The following NR2C1 variants were observed in gnomAD, a reference collection of about 807,000 sequenced individuals.
NR2C1 encodes nuclear receptor subfamily 2 group C member 1.
NR2C1 carries 33 observed loss-of-function variants against 74.8 expected under a neutral mutation model. The observed-to-expected ratio is 0.44, with a 90% CI of 0.33 to 0.59. The LOEUF is 0.59. Among genes scored for constraint, NR2C1 ranks in the 20% least tolerant of loss-of-function variants. The pLI is 0.02. For synonymous variants in NR2C1, 225 were observed against 240.6 expected, an observed-to-expected ratio of 0.94 and a Z score of 0.60; for missense variants, 568 against 715.6, an observed-to-expected ratio of 0.79 and a Z score of 2.35.
chr12:95,021,367 G>A lies in NR2C1; in HGVS notation c.*862C>T, dbSNP rs1221659472. On this transcript the variant is annotated 3_prime_UTR_variant, in exon 14 of 14. Coordinates refer to ENST00000333003, the MANE Select transcript of NR2C1 (RefSeq NM_003297.4). Reference sequence around the variant, plus strand: ...TCTATTATTTTCAAAGACAGCAGTAGGCCAGGCACGGTGGCACGCGCCTGT... The same window carrying A: ...TCTATTATTTTCAAAGACAGCAGTAAGCCAGGCACGGTGGCACGCGCCTGT... 2 of 151,746 alleles carry A rather than the reference G, an allele frequency of 1.3e-5. No homozygotes were observed. Among genetic ancestry groups the A allele is most frequent in the Non-Finnish European group, 2.9e-5 (2 of 67,900 alleles). 9.4% of individuals were successfully genotyped at this position (151,746 alleles called of 1,614,324 possible). A position where few individuals can be genotyped will look rare whatever the true frequency, so the allele number is the denominator to read the frequency against.
chr12:95,028,345 G>T, intron 12 of NR2C1, 42 bp downstream of exon 12: 1 of 1,542,946 alleles, frequency 6.5e-7, no homozygotes, highest in Non-Finnish European at 8.8e-7. Context: ...TCTCCACATC[G>T]TGAAACATTT....
At chr12:95,043,910 A>G (rs1871947759) in intron 9 of NR2C1, among the ~76,000 whole-genome samples, 1 of 152,128 alleles carries the variant, frequency 6.6e-6, no homozygotes, top group African/African-American at 2.4e-5. Context: ...TTAACTTATA[A>G]AGAGAGAAAA....
chr12:95,056,882 C>T (rs1410009140), intron 7 of NR2C1, among the ~76,000 whole-genome samples: 2 of 151,286 alleles, frequency 1.3e-5, no homozygotes, highest in African/African-American at 4.9e-5. Flanking sequence ...TGGCGGGAAC[C>T]CGGGAAGCGG....
intron 2 of NR2C1, among the ~76,000 whole-genome samples, chr12:95,063,311 A>G (rs945961355): frequency 6.6e-6 from 1 of 152,190 alleles, no homozygotes; most frequent in African/African-American, 2.4e-5. Context: ...AGAGCATATA[A>G]GTAGGTCCCA....
intron 4 of NR2C1, 31 bp downstream of exon 4, chr12:95,059,875 T>C (rs1874491322): frequency 3.3e-6 from 5 of 1,496,134 alleles, no homozygotes; most frequent in Non-Finnish European, 4.5e-6. Flanking sequence ...ATTTTTTTTT[T>C]CTGTTTTTAG....
chr12:95,051,373 C>A (rs999845215), intron 8 of NR2C1, among the ~76,000 whole-genome samples: 1 of 152,214 alleles, frequency 6.6e-6, no homozygotes, highest in East Asian at 1.9e-4. Flanking sequence ...CAAGTAAGCA[C>A]GCCCACTAAG....
chr12:95,032,908 C>A (rs949141186), intron 10 of NR2C1, among the ~76,000 whole-genome samples: 1 of 152,060 alleles, frequency 6.6e-6, no homozygotes, highest in African/African-American at 2.4e-5. Context: ...GTTGAGGCTT[C>A]GGTGAGCTGT....
chr12:95,031,810 T>TA (rs970073238), intron 10 of NR2C1, among the ~76,000 whole-genome samples: 49 of 151,896 alleles, frequency 3.2e-4, no homozygotes, highest in African/African-American at 1.1e-3. Flanking sequence ...AAGCATATAT[T>TA]AAAAAAAAAC....
chr12:95,067,275 T>C (rs1245650284), intron 2 of NR2C1, 56 bp downstream of exon 2: 1 of 1,352,832 alleles, frequency 7.4e-7, no homozygotes, highest in Non-Finnish European at 1.1e-6. Context: ...TATATGCATT[T>C]AGTAGGAATT....
intron 3 of NR2C1, 69 bp downstream of exon 3, chr12:95,062,439 G>A: frequency 2.9e-6 from 3 of 1,018,116 alleles, no homozygotes; most frequent in Non-Finnish European, 4.4e-6. Context: ...AAGTCTTCAT[G>A]GCAGGGCTTA....
intron 12 of NR2C1, among the ~76,000 whole-genome samples, chr12:95,027,515 T>G (rs1193744647): frequency 6.6e-6 from 1 of 152,158 alleles, no homozygotes; most frequent in Admixed American, 6.6e-5. Context: ...GGCGGGTAGA[T>G]CACCTTAGGT....
At chr12:95,044,600 G>T (rs1191235436) in intron 9 of NR2C1, among the ~76,000 whole-genome samples, 1 of 152,130 alleles carries the variant, frequency 6.6e-6, no homozygotes, top group Non-Finnish European at 1.5e-5. Flanking sequence ...AAAATCACTG[G>T]ATGGCCGGGT....
At chr12:95,031,632 T>C (rs1870121264) in intron 10 of NR2C1, 144 bp from the exon 11 acceptor site, 1 of 542,108 alleles carries the variant, frequency 1.8e-6, no homozygotes, top group Non-Finnish European at 2.9e-6. Context: ...GTGTTTTGTA[T>C]AGCTGATAAC....
intron 9 of NR2C1, among the ~76,000 whole-genome samples, chr12:95,044,910 G>A (rs1872117232): frequency 6.6e-6 from 1 of 151,926 alleles, no homozygotes. Flanking sequence ...AAAATCCTTG[G>A]AGGCTGAGCA....
At chr12:95,025,445 G>A in intron 12 of NR2C1, 190 bp from the exon 13 acceptor site, 1 of 396,724 alleles carries the variant, frequency 2.5e-6, no homozygotes, top group Admixed American at 4.6e-5. Context: ...AATCATCTGA[G>A]GTCAGGAGTT....
At position 95,045,091 on chromosome 12, in the gene NR2C1, C is replaced by T. The variant is rs530058414; in HGVS notation, c.1131+3977G>A. 3.2e-4 allele frequency among the ~76,000 whole-genome samples: 49 copies of T among 152,280 alleles called. 3 individuals are homozygous for T. The South Asian group carries it at 9.5e-3, about 30-fold the overall frequency. Reference sequence around the variant, plus strand: ...TAGGAGATCTGGATTCTGCTTCCAACTTTTTGTTAATCACTTCGCCTAATT... The same window carrying T: ...TAGGAGATCTGGATTCTGCTTCCAATTTTTTGTTAATCACTTCGCCTAATT... On this transcript the variant is annotated intron_variant, in intron 9 of 13. Transcript: ENST00000333003.
At chr12:95,055,931 TA>T (rs1182368765) in intron 7 of NR2C1, among the ~76,000 whole-genome samples, 1 of 97,928 alleles carries the variant, frequency 1.0e-5, no homozygotes, top group African/African-American at 4.1e-5. Flanking sequence ...CCAGACGGGG[TA>T]ACAGAGCAAG....
At chr12:95,058,220 T>G (rs1191053706) in intron 5 of NR2C1, 90 bp downstream of exon 5, 8 of 1,156,744 alleles carry the variant, frequency 6.9e-6, no homozygotes, top group African/African-American at 1.6e-5. Flanking sequence ...CTAAAAAGTA[T>G]ACATATTTGA....
intron 4 of NR2C1, 44 bp downstream of exon 4, chr12:95,059,862 G>A (rs772358077): frequency 7.3e-7 from 1 of 1,375,884 alleles, no homozygotes; most frequent in Middle Eastern, 1.8e-4. Context: ...CATATAGGAG[G>A]TTATTTTTTT....
Sources: gnomAD v4.1 joint callset for allele counts (sites outside exome capture counted in the v4.1 genomes callset) on GRCh38, gnomAD v4.1.1 for gene constraint, MANE v1.5 for transcripts, NCBI Gene and HGNC (gene_info 2026-07-23, HGNC 2026-07-21) for gene names.